Variants in ANGPTL2 observed in about 807,000 individuals in gnomAD.
The protein encoded by ANGPTL2 is angiopoietin like 2, also known as angiopoietin-related protein 2.
In ANGPTL2, 25 loss-of-function variants were observed where a neutral mutation model predicts 52.8. The ratio of observed to expected loss-of-function variants is 0.47; its 90% confidence interval spans 0.35 to 0.66. The LOEUF (loss-of-function observed/expected upper bound fraction) is 0.66, where lower values mean the gene tolerates loss of function less well. Among genes scored for constraint, ANGPTL2 ranks in the 30% least tolerant of loss-of-function variants. ANGPTL2 has a pLI of 0.01. For synonymous variants in ANGPTL2, 276 were observed against 277.4 expected (o/e 1.00, Z 0.05); for missense variants, 546 against 656.9 (o/e 0.83, Z 1.84).
At position 127,111,012 on chromosome 9, in the gene ANGPTL2, A is replaced by G. The variant is rs57291585; in HGVS notation, c.-49-2232T>C. On this transcript the variant is annotated intron_variant, in intron 1 of 4. Transcript: ENST00000373425. Reference sequence around the variant, plus strand: ...ATTCAAAACCCCCCAGTGGCTCACCATCTTGGAGGAAAAGCTAGTGGGTCT... The same window carrying G: ...ATTCAAAACCCCCCAGTGGCTCACCGTCTTGGAGGAAAAGCTAGTGGGTCT... Among the ~76,000 whole-genome samples the G allele has an allele frequency of 7.4e-3, 1,133 of 152,172 alleles. 12 individuals are homozygous for G. Among genetic ancestry groups the G allele is most frequent in the African/African-American group, 0.026 (1,065 of 41,486 alleles).
At chr9:127,117,669 G>A (rs1170987226) in intron 1 of ANGPTL2, among the ~76,000 whole-genome samples, 1 of 152,230 alleles carries the variant, frequency 6.6e-6, no homozygotes, top group Admixed American at 6.5e-5. Flanking sequence ...AGAGAAGCTT[G>A]TTTGCTTGAG....
At position 127,111,805 on chromosome 9, in the gene ANGPTL2, G is replaced by A. The variant is rs76188075; in HGVS notation, c.-49-3025C>T. Among the ~76,000 whole-genome samples the A allele has an allele frequency of 8.4e-3, 1,282 of 152,338 alleles. 17 individuals carry two copies. The highest frequency in any genetic ancestry group is 0.029 in the African/African-American group (1,207 of 41,564). On this transcript the variant is annotated intron_variant, in intron 1 of 4. Coordinates refer to ENST00000373425, the MANE Select transcript of ANGPTL2 (RefSeq NM_012098.3). ...GCCCAAAATCAGAAAGCTAGAAGGT[G>A]GCAGAACCAGGGCTCAACCCTGGTC...
rs1046634588 is a variant in ANGPTL2 at position 127,093,892 on chromosome 9, A to G, written c.852T>C (p.Asp284=). ...PWRDCLQALE[D]GHDTSSIYLV... Reference sequence around the variant, plus strand: ...GGTAGATGGAGCTGGTGTCGTGGCCATCCTCCAGGGCCTGCAGGCAGTCTC... The same window carrying G: ...GGTAGATGGAGCTGGTGTCGTGGCCGTCCTCCAGGGCCTGCAGGCAGTCTC... The change falls in exon 3 of 5, where the codon GAT becomes GAC. Residue 284 remains aspartate, a synonymous_variant. Transcript: ENST00000373425. The G allele has an allele frequency of 3.7e-6, 6 of 1,613,852 alleles. No individual in the cohort carries two copies. The East Asian group carries it at 1.3e-4, about 36-fold the overall frequency.
Position 127,108,069 on chromosome 9 carries a change from C to T in ANGPTL2, c.663G>A (p.Pro221=), listed in dbSNP as rs200482792. Residue 221 remains proline (P), a synonymous_variant, in exon 2 of 5, where the codon CCG becomes CCA. Transcript: ENST00000373425. The stretch of plus-strand genomic sequence containing the variant: ...AGGTGGGTGGTTGGTAGACCCGGGG[C>T]GGGGCAGCGGGGGGTGGCTGGGGGA... ...RPVPQPPPAA[P]PRVYQPPTYN... 2.6e-5 allele frequency: 22 copies of T among 844,668 alleles called. No individual in the cohort carries two copies. The highest frequency in any genetic ancestry group is 4.9e-5 in the East Asian group (1 of 20,398). The allele number at this position is 844,668 out of a possible 1,614,324, so 52.3% of individuals were successfully genotyped here. A position where few individuals can be genotyped will look rare whatever the true frequency, so the allele number is the denominator to read the frequency against.
chr9:127,105,148 C>T (rs1234401793), intron 2 of ANGPTL2, among the ~76,000 whole-genome samples: 2 of 152,148 alleles, frequency 1.3e-5, no homozygotes, highest in Non-Finnish European at 2.9e-5. Flanking sequence ...TGTGGGAGCT[C>T]AGTGGTGAGA....
Position 127,108,779 on chromosome 9 carries a change from G to A in ANGPTL2, c.-48C>T. 1 of 1,540,336 alleles carries A rather than the reference G, an allele frequency of 6.5e-7. No homozygotes were observed. Among genetic ancestry groups the A allele is most frequent in the South Asian group, 1.2e-5 (1 of 81,892 alleles). ...TTCTTTGTGAATAGAATCTATGAAA[G>A]CCTGAAAGTAAACAGAGGGGAGAAT... On this transcript the variant is annotated splice_region_variant and 5_prime_UTR_variant, in exon 2 of 5. Transcript: ENST00000373425.
At chr9:127,102,521 T>A (rs1389004617) in intron 2 of ANGPTL2, among the ~76,000 whole-genome samples, 6 of 152,200 alleles carry the variant, frequency 3.9e-5, no homozygotes, top group African/African-American at 1.4e-4. Flanking sequence ...AGATCCCAGA[T>A]CTCAAGATTT....
In ANGPTL2 at chr9:127,088,614, T is replaced by C. The variant is rs2136312077; in HGVS notation, c.*325A>G. On this transcript the variant is annotated 3_prime_UTR_variant, in exon 5 of 5. Coordinates refer to ENST00000373425, the MANE Select transcript of ANGPTL2 (RefSeq NM_012098.3). Reference sequence around the variant, plus strand: ...ATACACATACGTGCACAAGGGAGGCTCATACACATGTATATTATGAAGGTA... The same window carrying C: ...ATACACATACGTGCACAAGGGAGGCCCATACACATGTATATTATGAAGGTA... The C allele has an allele frequency of 2.6e-6, 1 of 381,984 alleles. No homozygotes were observed. Among genetic ancestry groups the C allele is most frequent in the Non-Finnish European group, 4.8e-6 (1 of 206,378 alleles). The allele number at this position is 381,984 out of a possible 1,614,324, so 23.7% of individuals were successfully genotyped here.
intron 2 of ANGPTL2, among the ~76,000 whole-genome samples, chr9:127,100,583 A>G (rs546795937): frequency 6.6e-6 from 1 of 152,344 alleles, no homozygotes; most frequent in East Asian, 1.9e-4. Flanking sequence ...GGCAGTGGCC[A>G]GTTGTACCCA....
chr9:127,100,366 G>A (rs2053593297), intron 2 of ANGPTL2, among the ~76,000 whole-genome samples: 1 of 152,210 alleles, frequency 6.6e-6, no homozygotes, highest in African/African-American at 2.4e-5. Context: ...TCCTGTTTCT[G>A]CTCATTTGAC....
intron 2 of ANGPTL2, among the ~76,000 whole-genome samples, chr9:127,104,242 C>T (rs1320831060): frequency 6.6e-6 from 1 of 152,184 alleles, no homozygotes; most frequent in Non-Finnish European, 1.5e-5. Context: ...CTGACAAAGC[C>T]CGTCTGTGGC....
At chr9:127,097,234 T>C (rs973136276) in intron 2 of ANGPTL2, among the ~76,000 whole-genome samples, 1 of 152,272 alleles carries the variant, frequency 6.6e-6, no homozygotes, top group Non-Finnish European at 1.5e-5. Context: ...TTTCAACGAT[T>C]GTAGTGTCTG....
At position 127,091,974 on chromosome 9, in the gene ANGPTL2, C is replaced by G; in HGVS notation, c.1012-34G>C. 5.6e-6 allele frequency: 9 copies of G among 1,598,170 alleles called. No homozygotes were observed. Among genetic ancestry groups the G allele is most frequent in the Non-Finnish European group, 6.8e-6 (8 of 1,170,376 alleles). ...AACCCAGGAGAGTGTTAATGTGGAG[C>G]CTGCAGCACCTGCAGCCAGCAGGCT... On this transcript the variant is annotated intron_variant, in intron 3 of 4. Transcript: ENST00000373425. This position sits in a 1 kb window ranked among gnomAD's most constrained non-coding sequence, Gnocchi z 4.3.
At chr9:127,094,890 C>T (rs2052929584) in intron 2 of ANGPTL2, among the ~76,000 whole-genome samples, 2 of 152,186 alleles carry the variant, frequency 1.3e-5, no homozygotes, top group African/African-American at 2.4e-5. Context: ...TAGCCCTCCC[C>T]ACCCCTGCCC....
chr9:127,120,668 C>T (rs1199066294), intron 1 of ANGPTL2, among the ~76,000 whole-genome samples: 1 of 152,102 alleles, frequency 6.6e-6, no homozygotes, highest in African/African-American at 2.4e-5. Context: ...TGAAAATACA[C>T]ACACACAAAA....
chr9:127,119,335 C>G (rs1249334136), intron 1 of ANGPTL2, among the ~76,000 whole-genome samples: 1 of 152,178 alleles, frequency 6.6e-6, no homozygotes, highest in Non-Finnish European at 1.5e-5. Context: ...GTTGGTGCAG[C>G]ATTCGATAGG....
intron 4 of ANGPTL2, among the ~76,000 whole-genome samples, chr9:127,089,408 G>A (rs1286901107): frequency 6.6e-6 from 1 of 152,200 alleles, no homozygotes. Context: ...GAATAAAAAT[G>A]ACGCCTGCCG....
At chr9:127,089,811 C>T (rs1292089970) in intron 4 of ANGPTL2, among the ~76,000 whole-genome samples, 1 of 152,218 alleles carries the variant, frequency 6.6e-6, no homozygotes, top group East Asian at 1.9e-4. Flanking sequence ...AAGGTGTGCG[C>T]GGGCATGCAG....
chr9:127,102,244 G>C (rs1392016117), intron 2 of ANGPTL2, among the ~76,000 whole-genome samples: 1 of 151,458 alleles, frequency 6.6e-6, no homozygotes, highest in Non-Finnish European at 1.5e-5. Flanking sequence ...ATAAAGAAAG[G>C]AAGTTTATTT....
Sources: allele counts gnomAD v4.1 joint callset (sites outside exome capture counted in the v4.1 genomes callset), GRCh38; gene constraint gnomAD v4.1.1; non-coding constraint Gnocchi (gnomAD v3.1); transcripts MANE v1.5; gene names NCBI Gene and HGNC (gene_info 2026-07-23, HGNC 2026-07-21).